PRKG1: variants seen among roughly 807,000 people sequenced by gnomAD.
PRKG1 encodes protein kinase cGMP-dependent 1.
PRKG1 carries 35 observed loss-of-function variants against 88.1 expected under a neutral mutation model. That is an observed-to-expected ratio of 0.40 (90% CI 0.30 to 0.53). The LOEUF is 0.53. PRKG1 is among the 20% of genes least tolerant of loss of function. The pLI is 0.59. For missense variants in PRKG1, 540 were observed against 839.8 expected (o/e 0.64, Z 4.41); for synonymous variants, 303 against 292.5 (o/e 1.04, Z -0.37).
intron 4 of PRKG1, among the ~76,000 whole-genome samples, chr10:51,874,440 G>C (rs1251965209): frequency 6.6e-6 from 1 of 152,196 alleles, no homozygotes; most frequent in Non-Finnish European, 1.5e-5. Flanking sequence ...CAACTGTGAA[G>C]TGATTTTAAT....
intron 2 of PRKG1, among the ~76,000 whole-genome samples, chr10:51,213,139 A>C (rs1838275448): frequency 6.6e-6 from 1 of 152,224 alleles, no homozygotes; most frequent in Non-Finnish European, 1.5e-5. Flanking sequence ...GCAGCCATAA[A>C]AAAGGATTAG....
rs1003248606 is a variant in PRKG1 at position 51,610,003 on chromosome 10, A to T, written c.592+142167A>T. Among the ~76,000 whole-genome samples the T allele has an allele frequency of 2.6e-5, 4 of 152,206 alleles. No homozygotes were observed. The South Asian group carries it at 6.2e-4, about 24-fold the overall frequency. ...CCCCAAACTTATAAATTAAAAAAAA[A>T]TTTTTTTGATCCATTGTATTTGTAC... On this transcript the variant is annotated intron_variant, in intron 3 of 17. Transcript: ENST00000373980.
intron 4 of PRKG1, among the ~76,000 whole-genome samples, chr10:51,865,679 G>C (rs1840996148): frequency 6.6e-6 from 1 of 151,880 alleles, no homozygotes; most frequent in African/African-American, 2.4e-5. Context: ...GTACATGCTT[G>C]GATACACCCT....
chr10:51,376,911 A>G (rs1358835799), intron 2 of PRKG1, among the ~76,000 whole-genome samples: 1 of 152,152 alleles, frequency 6.6e-6, no homozygotes, highest in Non-Finnish European at 1.5e-5. Context: ...TCCTGACCTC[A>G]GGTGATCCGT....
At chr10:52,222,908 T>C (rs1316518212) in intron 9 of PRKG1, among the ~76,000 whole-genome samples, 1 of 152,180 alleles carries the variant, frequency 6.6e-6, no homozygotes, top group Non-Finnish European at 1.5e-5. Flanking sequence ...TTACCTGTCC[T>C]ATAGGCTAAC....
intron 3 of PRKG1, among the ~76,000 whole-genome samples, chr10:51,790,182 T>C (rs1838833423): frequency 6.6e-6 from 1 of 152,190 alleles, no homozygotes; most frequent in Non-Finnish European, 1.5e-5. Context: ...GGATGCAATT[T>C]ACCAGAATGC....
intron 2 of PRKG1, among the ~76,000 whole-genome samples, chr10:51,251,263 C>T (rs1347849403): frequency 3.3e-5 from 5 of 151,712 alleles, no homozygotes; most frequent in Non-Finnish European, 7.4e-5. Context: ...CTGCAAGTTG[C>T]GTCTTTAGTC....
rs367623992 is a variant in PRKG1 at position 51,630,375 on chromosome 10, A to G, written c.592+162539A>G. The stretch of plus-strand genomic sequence containing the variant: ...ACCAGCATTTTATCATGGATGACAC[A>G]GTGCATAGACTCAGACTGAGAAGCA... On this transcript the variant is annotated intron_variant, in intron 3 of 17. Coordinates refer to ENST00000373980, the MANE Select transcript of PRKG1 (RefSeq NM_006258.4). 9.2e-5 allele frequency among the ~76,000 whole-genome samples: 14 copies of G among 152,320 alleles called. No individual in the cohort carries two copies. In the East Asian group the frequency reaches 1.4e-3, roughly 15 times the overall value.
rs140042370 is a variant in PRKG1, at chr10:51,221,834, T to A, written c.478+68504T>A. ...AGAAAATAATAAAAGAGGAGCATTTTTCTTCCCCTTTATATTTTTGTTTCA... is the reference window on the plus strand; with the variant it reads ...AGAAAATAATAAAAGAGGAGCATTTATCTTCCCCTTTATATTTTTGTTTCA... On this transcript the variant is annotated intron_variant, in intron 2 of 17. Coordinates refer to ENST00000373980, the MANE Select transcript of PRKG1 (RefSeq NM_006258.4). 3.3e-3 allele frequency among the ~76,000 whole-genome samples: 503 copies of A among 151,880 alleles called. 2 individuals carry two copies. The highest frequency in any genetic ancestry group is 0.011 in the African/African-American group (468 of 41,460).
chr10:51,107,064 G>A (rs1298636359), intron 1 of PRKG1, among the ~76,000 whole-genome samples: 3 of 152,162 alleles, frequency 2.0e-5, no homozygotes, highest in African/African-American at 7.2e-5. Context: ...ATTTAGACTG[G>A]AGAGTCTGGG....
At chr10:51,327,314 G>A (rs1841617294) in intron 2 of PRKG1, among the ~76,000 whole-genome samples, 1 of 151,504 alleles carries the variant, frequency 6.6e-6, no homozygotes. Context: ...CTACTCGGGA[G>A]CCTGAGATAG....
At chr10:52,085,357 C>T (rs1048029915) in intron 7 of PRKG1, among the ~76,000 whole-genome samples, 3 of 147,174 alleles carry the variant, frequency 2.0e-5, no homozygotes, top group African/African-American at 7.5e-5. Context: ...GATTTTCTAA[C>T]TCATCTACTT....
At chr10:51,198,186 T>C (rs1260265098) in intron 2 of PRKG1, among the ~76,000 whole-genome samples, 1 of 152,166 alleles carries the variant, frequency 6.6e-6, no homozygotes, top group Non-Finnish European at 1.5e-5. Context: ...AGATCTTATT[T>C]ATATGGATGT....
intron 3 of PRKG1, among the ~76,000 whole-genome samples, chr10:51,716,850 G>T (rs1239282828): frequency 6.6e-6 from 1 of 152,008 alleles, no homozygotes; most frequent in Admixed American, 6.6e-5. Flanking sequence ...AGGCCACCAC[G>T]CCCGCCTGGC....
intron 3 of PRKG1, among the ~76,000 whole-genome samples, chr10:51,756,450 G>A (rs1254673876): frequency 1.4e-5 from 2 of 146,980 alleles, no homozygotes; most frequent in Non-Finnish European, 3.0e-5. Context: ...TTGTGCCACT[G>A]CACTCCAGCA....
intron 1 of PRKG1, among the ~76,000 whole-genome samples, chr10:51,121,200 T>C (rs1300640036): frequency 6.6e-6 from 1 of 152,192 alleles, no homozygotes; most frequent in African/African-American, 2.4e-5. Context: ...TCAATGTTCA[T>C]ACTCTTCATT....
chr10:52,199,675 C>G (rs1839607869), intron 9 of PRKG1, among the ~76,000 whole-genome samples: 1 of 152,078 alleles, frequency 6.6e-6, no homozygotes, highest in Non-Finnish European at 1.5e-5. Flanking sequence ...AACCCAAAGC[C>G]CCCTCCCTGG....
At chr10:52,107,939 T>G (rs1306369439) in intron 7 of PRKG1, among the ~76,000 whole-genome samples, 1 of 152,244 alleles carries the variant, frequency 6.6e-6, no homozygotes, top group Non-Finnish European at 1.5e-5. Flanking sequence ...TGGTAAAATG[T>G]GTCATGAAAT....
intron 3 of PRKG1, among the ~76,000 whole-genome samples, chr10:51,621,029 A>G (rs1301067608): frequency 6.8e-6 from 1 of 147,206 alleles, no homozygotes; most frequent in Non-Finnish European, 1.5e-5. Context: ...ATATATATAT[A>G]TATGACTCCT....
Sources: gnomAD v4.1 joint callset for allele counts (sites outside exome capture counted in the v4.1 genomes callset) on GRCh38, gnomAD v4.1.1 for gene constraint, MANE v1.5 for transcripts, NCBI Gene and HGNC (gene_info 2026-07-23, HGNC 2026-07-21) for gene names.